The following NLE1 variants were observed in gnomAD, a reference collection of about 807,000 sequenced individuals.
The protein encoded by NLE1 is notchless protein homolog 1.
In NLE1, 37 loss-of-function variants were observed where a neutral mutation model predicts 62.8. That is an observed-to-expected ratio of 0.59 (90% confidence interval 0.45 to 0.78). The LOEUF (loss-of-function observed/expected upper bound fraction) is 0.78, where lower values mean the gene tolerates loss of function less well. Ranked by LOEUF, NLE1 falls within the 30% of genes least tolerant of loss-of-function variation. The probability of loss-of-function intolerance (pLI) is 0.00; values close to 1 mark genes in which losing one functional copy is unlikely to be tolerated. For synonymous variants in NLE1, 243 were observed against 253.0 expected, an observed-to-expected ratio of 0.96 and a Z score of 0.37; for missense variants, 555 against 637.9, an observed-to-expected ratio of 0.87 and a Z score of 1.40.
chr17:35,136,032 T>G, intron 9 of NLE1, 137 bp downstream of exon 9: 1 of 778,636 alleles, frequency 1.3e-6, no homozygotes, highest in Non-Finnish European at 2.1e-6. Flanking sequence ...GATTGCAAAC[T>G]AGGATTATGA....
chr17:35,136,340 C>G, intron 8 of NLE1, 22 bp downstream of exon 8: 1 of 1,610,672 alleles, frequency 6.2e-7, no homozygotes. Context: ...AGCCCCCGCT[C>G]TTCCTTCTCC....
intron 2 of NLE1, 26 bp from the exon 3 acceptor site, chr17:35,140,092 C>G (rs1474580087): frequency 1.4e-5 from 22 of 1,607,670 alleles, no homozygotes; most frequent in Non-Finnish European, 1.9e-5. Context: ...AAAGGACAAA[C>G]CCGCAACAAT....
intron 7 of NLE1, 65 bp downstream of exon 7, chr17:35,136,936 C>T (rs2091912407): frequency 1.4e-6 from 2 of 1,427,234 alleles, no homozygotes; most frequent in African/African-American, 2.8e-5. Context: ...CAAGGTCATT[C>T]TGAGTGCCAG....
In NLE1 at chr17:35,132,344, T is replaced by A; in HGVS notation, c.*93A>T. The A allele has an allele frequency of 8.7e-7, 1 of 1,143,640 alleles. No individual in the cohort carries two copies. The allele number at this position is 1,143,640 out of a possible 1,614,324, so 70.8% of individuals were successfully genotyped here. A position where few individuals can be genotyped will look rare whatever the true frequency, so the allele number is the denominator to read the frequency against. ...CAGGTCCCCACTGGTGGGGAGGGTG[T>A]GTGCACTGCCATCTCAGCCTTTGTT... On this transcript the variant is annotated 3_prime_UTR_variant, in exon 13 of 13. Coordinates refer to ENST00000442241, the MANE Select transcript of NLE1 (RefSeq NM_018096.5).
chr17:35,136,546 GGGCGAT>G (rs2091910085), intron 7 of NLE1, 49 bp from the exon 8 acceptor site: 1 of 1,580,392 alleles, frequency 6.3e-7, no homozygotes, highest in Non-Finnish European at 8.6e-7. Flanking sequence ...CCCCACGCCT[GGGCGAT>G]TAGCCCCAGG....
In NLE1 at chr17:35,129,504, A is replaced by T; in HGVS notation, c.*2933T>A. Reference sequence around the variant, plus strand: ...CAGGAGGTGGCCAAGACACAGGAGAATGAGTTGCCCGAGGCAAAGAATCGT... The same window carrying T: ...CAGGAGGTGGCCAAGACACAGGAGATTGAGTTGCCCGAGGCAAAGAATCGT... On this transcript the variant is annotated 3_prime_UTR_variant, in exon 13 of 13. Coordinates refer to ENST00000442241, the MANE Select transcript of NLE1 (RefSeq NM_018096.5). 1 of 1,614,198 alleles carries T rather than the reference A, an allele frequency of 6.2e-7. No homozygotes were observed. Among genetic ancestry groups the T allele is most frequent in the South Asian group, 1.1e-5 (1 of 91,078 alleles).
At chr17:35,140,223 T>C (rs1467834388) in intron 2 of NLE1, among the ~76,000 whole-genome samples, 157 bp from the exon 3 acceptor site, 3 of 152,172 alleles carry the variant, frequency 2.0e-5, no homozygotes, top group Non-Finnish European at 4.4e-5. Flanking sequence ...CAAGACCTTT[T>C]ATTTATTTAT....
At chr17:35,139,205 G>T in intron 4 of NLE1, 30 bp downstream of exon 4, 2 of 1,591,042 alleles carry the variant, frequency 1.3e-6, no homozygotes, top group Non-Finnish European at 1.7e-6. Context: ...AAAAAAAGAA[G>T]ACCCCCTAAA....
At position 35,129,826 on chromosome 17, in the gene NLE1, T is replaced by C; in HGVS notation, c.*2611A>G. The C allele has an allele frequency of 7.0e-7, 1 of 1,434,986 alleles. No individual in the cohort carries two copies. 88.9% of individuals were successfully genotyped at this position (1,434,986 alleles called of 1,614,324 possible). The stretch of plus-strand genomic sequence containing the variant: ...TCCAGAATGCATGCTTCTGGGAGGT[T>C]TAAGGATTAAGCCACTCTGGGGCCC... On this transcript the variant is annotated 3_prime_UTR_variant, in exon 13 of 13. Coordinates refer to ENST00000442241, the MANE Select transcript of NLE1 (RefSeq NM_018096.5).
At position 35,129,677 on chromosome 17, in the gene NLE1, G is replaced by C. The variant is rs201115625; in HGVS notation, c.*2760C>G. 6.2e-7 allele frequency: 1 copy of C among 1,609,252 alleles called. No homozygotes were observed. The highest frequency in any genetic ancestry group is 8.5e-7 in the Non-Finnish European group (1 of 1,178,104). ...CTACAAAGTGAGCCCTGGGAAAAGAGGGGCCTTGGGGGTGGAGAGAAGTCC... is the reference window on the plus strand; with the variant it reads ...CTACAAAGTGAGCCCTGGGAAAAGACGGGCCTTGGGGGTGGAGAGAAGTCC... On this transcript the variant is annotated 3_prime_UTR_variant, in exon 13 of 13. Transcript: ENST00000442241.
In NLE1 at chr17:35,130,212, A is replaced by G. The variant is rs2091868132; in HGVS notation, c.*2225T>C. ...TCAGCAGACAGAAAAAAAAGGGGTG[A>G]TAGAGACAGAGAGAGAGCCAGGTTC... On this transcript the variant is annotated 3_prime_UTR_variant, in exon 13 of 13. Transcript: ENST00000442241. 3 of 1,564,528 alleles carry G rather than the reference A, an allele frequency of 1.9e-6. No individual in the cohort carries two copies. Among genetic ancestry groups the G allele is most frequent in the Admixed American group, 1.9e-5 (1 of 52,558 alleles).
rs1392417148 is a variant in NLE1, at chr17:35,137,190, G to A, written c.639C>T (p.Asn213=). ...TGLSWEPLHA[N]PECRYVASSS... is the part of the protein sequence containing the mutation. The stretch of plus-strand genomic sequence containing the variant: ...TGCTGGCCACATAGCGGCACTCAGG[G>A]TTCCTGGAGAGAAGGGAGATGTGAC... The change falls in exon 7 of 13, where the codon AAC becomes AAT. Residue 213 remains asparagine (N), a synonymous_variant. Coordinates refer to ENST00000442241, the MANE Select transcript of NLE1 (RefSeq NM_018096.5). 6.2e-7 allele frequency: 1 copy of A among 1,604,406 alleles called. No homozygotes were observed. The highest frequency in any genetic ancestry group is 1.3e-5 in the African/African-American group (1 of 74,758).
At chr17:35,140,211 A>G (rs2091934742) in intron 2 of NLE1, 145 bp from the exon 3 acceptor site, 1 of 809,438 alleles carries the variant, frequency 1.2e-6, no homozygotes, top group Non-Finnish European at 1.9e-6. Flanking sequence ...TTGCCCATTG[A>G]GCAAGACCTT....
Position 35,129,691 on chromosome 17 carries a change from G to T in NLE1, c.*2746C>A. The T allele has an allele frequency of 6.2e-7, 1 of 1,603,740 alleles. No individual in the cohort carries two copies. The highest frequency in any genetic ancestry group is 8.5e-7 in the Non-Finnish European group (1 of 1,175,656). ...CTGGGAAAAGAGGGGCCTTGGGGGTGGAGAGAAGTCCAAAGCCAGGGAACC... is the reference window on the plus strand; with the variant it reads ...CTGGGAAAAGAGGGGCCTTGGGGGTTGAGAGAAGTCCAAAGCCAGGGAACC... On this transcript the variant is annotated 3_prime_UTR_variant, in exon 13 of 13. Transcript: ENST00000442241.
chr17:35,139,433 A>G, intron 3 of NLE1, 119 bp from the exon 4 acceptor site: 1 of 792,176 alleles, frequency 1.3e-6, no homozygotes, highest in East Asian at 2.6e-5. Flanking sequence ...AGGGAGAAAG[A>G]CAATACTGAT....
chr17:35,133,306 C>A, intron 11 of NLE1, 33 bp downstream of exon 11: 1 of 1,614,172 alleles, frequency 6.2e-7, no homozygotes, highest in Non-Finnish European at 8.5e-7. Flanking sequence ...GGCTCCAATC[C>A]CAGTCCCTCC....
intron 7 of NLE1, 99 bp downstream of exon 7, chr17:35,136,902 G>A: frequency 1.7e-6 from 2 of 1,165,564 alleles, no homozygotes; most frequent in Non-Finnish European, 2.5e-6. Flanking sequence ...GCACACATCT[G>A]GGAAACACTG....
intron 9 of NLE1, 139 bp downstream of exon 9, chr17:35,136,030 A>T (rs1417339865): frequency 5.2e-6 from 4 of 772,036 alleles, no homozygotes; most frequent in African/African-American, 3.5e-5. Flanking sequence ...AGGATTGCAA[A>T]CTAGGATTAT....
rs374843799 is a variant in NLE1, at chr17:35,133,339, C to T, written c.1374G>A (p.Glu458=). ...LAMDLPGHAD[E]VYAVDWSPDG... ...TCCTTTGCCTGAGGGTTGGCCCTACCTCATCCGCGTGGCCGGGCAGGTCCA... is the reference window on the plus strand; with the variant it reads ...TCCTTTGCCTGAGGGTTGGCCCTACTTCATCCGCGTGGCCGGGCAGGTCCA... Residue 458 remains glutamate, a splice_region_variant and synonymous_variant, in exon 11 of 13, where the codon GAG becomes GAA. Transcript: ENST00000442241. The T allele has an allele frequency of 7.4e-6, 12 of 1,614,238 alleles. No individual in the cohort carries two copies. The highest frequency in any genetic ancestry group is 1.0e-5 in the Non-Finnish European group (12 of 1,180,040).
Sources: gnomAD v4.1 joint callset for allele counts (sites outside exome capture counted in the v4.1 genomes callset) on GRCh38, gnomAD v4.1.1 for gene constraint, MANE v1.5 for transcripts, NCBI Gene and HGNC (gene_info 2026-07-23, HGNC 2026-07-21) for gene names.